HIPK2: variants seen among roughly 807,000 people sequenced by gnomAD.
HIPK2 encodes homeodomain interacting protein kinase 2.
Under a neutral mutation model 113.7 loss-of-function variants are expected in HIPK2, and 27 were observed. The ratio of observed to expected loss-of-function variants is 0.24; its 90% CI spans 0.17 to 0.33. The LOEUF is 0.33. HIPK2 is among the 10% of genes least tolerant of loss of function. The probability of loss-of-function intolerance (pLI) is 1.00; values close to 1 mark genes in which losing one functional copy is unlikely to be tolerated. For synonymous variants in HIPK2, 631 were observed against 642.2 expected, an observed-to-expected ratio of 0.98 and a Z score of 0.26; for missense variants, 1,257 against 1,588.0, an observed-to-expected ratio of 0.79 and a Z score of 3.54.
chr7:139,732,216 T>A (rs1390373980), intron 1 of HIPK2, among the ~76,000 whole-genome samples: 9 of 152,216 alleles, frequency 5.9e-5, no homozygotes, highest in Non-Finnish European at 1.2e-4. Flanking sequence ...TTTGTGGATA[T>A]GAAAATCAGC....
At chr7:139,662,855 G>C (rs1801914610) in intron 2 of HIPK2, among the ~76,000 whole-genome samples, 1 of 152,136 alleles carries the variant, frequency 6.6e-6, no homozygotes. Flanking sequence ...CTGACCTCAA[G>C]TGATTTGCCT....
chr7:139,767,330 C>T (rs1319392399), intron 1 of HIPK2, among the ~76,000 whole-genome samples: 1 of 152,200 alleles, frequency 6.6e-6, no homozygotes, highest in Admixed American at 6.5e-5. Context: ...TACACAAATA[C>T]ACCCCAAAGA....
At chr7:139,593,797 A>G (rs1348798117) in intron 12 of HIPK2, among the ~76,000 whole-genome samples, 1 of 152,180 alleles carries the variant, frequency 6.6e-6, no homozygotes, top group Non-Finnish European at 1.5e-5. Flanking sequence ...GAGAACAAGG[A>G]TGATCAATGT....
intron 2 of HIPK2, among the ~76,000 whole-genome samples, chr7:139,639,775 A>C (rs970095369): frequency 6.6e-6 from 1 of 152,164 alleles, no homozygotes; most frequent in African/African-American, 2.4e-5. Context: ...AGAAGGAATG[A>C]GTCTATGTCA....
intron 11 of HIPK2, among the ~76,000 whole-genome samples, chr7:139,600,155 C>T (rs145351455): frequency 1.3e-5 from 2 of 152,058 alleles, no homozygotes; most frequent in Non-Finnish European, 2.9e-5. Context: ...TGGAGTTGAG[C>T]CCAATCTCTC....
At chr7:139,762,288 C>T (rs935601737) in intron 1 of HIPK2, among the ~76,000 whole-genome samples, 1 of 152,128 alleles carries the variant, frequency 6.6e-6, no homozygotes, top group African/African-American at 2.4e-5. Context: ...CAACTAGCAC[C>T]GACAAAGTCT....
In HIPK2 at chr7:139,702,262, C is replaced by A. The variant is rs1043133535; in HGVS notation, c.1103+13670G>T. Among the ~76,000 whole-genome samples the A allele has an allele frequency of 2.6e-4, 39 of 152,280 alleles. 1 individual carries two copies. Among genetic ancestry groups the A allele is most frequent in the African/African-American group, 9.4e-4 (39 of 41,552 alleles). ...CACATCTTACACTGGCTGCTCTGAGCTGCAGAGGACACTGTGGAAGGACAT... is the reference window on the plus strand; with the variant it reads ...CACATCTTACACTGGCTGCTCTGAGATGCAGAGGACACTGTGGAAGGACAT... On this transcript the variant is annotated intron_variant, in intron 2 of 14. Transcript: ENST00000406875.
intron 7 of HIPK2, among the ~76,000 whole-genome samples, chr7:139,618,043 T>C (rs555466440): frequency 2.9e-4 from 44 of 152,348 alleles, no homozygotes; most frequent in African/African-American, 1.0e-3. Context: ...GAGTCCAGAC[T>C]CTGAAGCCAG....
chr7:139,670,400 A>C (rs911608212), intron 2 of HIPK2, among the ~76,000 whole-genome samples: 2 of 148,912 alleles, frequency 1.3e-5, no homozygotes, highest in Non-Finnish European at 3.0e-5. Context: ...CCAGGGCATC[A>C]TAACGAGAGC....
At chr7:139,585,478 C>T (rs1204183231) in intron 12 of HIPK2, among the ~76,000 whole-genome samples, 1 of 152,358 alleles carries the variant, frequency 6.6e-6, no homozygotes, top group East Asian at 1.9e-4. Context: ...ACACTGTCCT[C>T]TCTGGTTCAG....
intron 2 of HIPK2, among the ~76,000 whole-genome samples, chr7:139,640,420 C>T (rs1168748845): frequency 1.3e-5 from 2 of 152,132 alleles, no homozygotes; most frequent in Non-Finnish European, 2.9e-5. Context: ...AGGGCGTGGC[C>T]CGCACTTGGG....
chr7:139,690,712 C>T (rs183608150), intron 2 of HIPK2, among the ~76,000 whole-genome samples: 193 of 152,092 alleles, frequency 1.3e-3, no homozygotes, highest in African/African-American at 4.3e-3. Flanking sequence ...CCTGGCACTC[C>T]CCTGCCCCCG....
chr7:139,662,638 G>C (rs980676923), intron 2 of HIPK2, among the ~76,000 whole-genome samples: 6 of 63,620 alleles, frequency 9.4e-5, no homozygotes, highest in Non-Finnish European at 1.6e-4. Flanking sequence ...TTTTTTTTTT[G>C]AGACGGAGTC....
At position 139,572,851 on chromosome 7, in the gene HIPK2, G is replaced by C. The variant is rs1235291195; in HGVS notation, c.*76C>G. 8.8e-7 allele frequency: 1 copy of C among 1,137,054 alleles called. No homozygotes were observed. The highest frequency in any genetic ancestry group is 1.1e-6 in the Non-Finnish European group (1 of 881,436). The allele number at this position is 1,137,054 out of a possible 1,614,324, so 70.4% of individuals were successfully genotyped here. A position where few individuals can be genotyped will look rare whatever the true frequency, so the allele number is the denominator to read the frequency against. On this transcript the variant is annotated 3_prime_UTR_variant, in exon 15 of 15. Transcript: ENST00000406875. ...AAAAGGCCAGCGCCCACGGTCCCAG[G>C]AGCGCCTCCCTCCTTCTCTCCCTCC...
At chr7:139,602,217 T>C (rs533718429) in intron 10 of HIPK2, among the ~76,000 whole-genome samples, 13 of 152,308 alleles carry the variant, frequency 8.5e-5, no homozygotes, top group African/African-American at 2.6e-4. Context: ...CTTCCCAAAG[T>C]GCTGGGATTA....
chr7:139,659,262 A>G (rs1014442257), intron 2 of HIPK2, among the ~76,000 whole-genome samples: 4 of 152,208 alleles, frequency 2.6e-5, no homozygotes, highest in African/African-American at 9.7e-5. Context: ...CCTGCCACGC[A>G]TCACAATTAG....
chr7:139,616,767 G>A (rs1301562707), intron 7 of HIPK2, among the ~76,000 whole-genome samples: 1 of 152,246 alleles, frequency 6.6e-6, no homozygotes, highest in Non-Finnish European at 1.5e-5. Flanking sequence ...TCTCCTGGGA[G>A]GGAGGGGCTG....
chr7:139,632,152 T>G (rs2116899785), intron 2 of HIPK2, among the ~76,000 whole-genome samples: 1 of 152,344 alleles, frequency 6.6e-6, no homozygotes, highest in East Asian at 1.9e-4. Context: ...TTCTTCTGTC[T>G]ATCTAGAGAT....
intron 2 of HIPK2, among the ~76,000 whole-genome samples, chr7:139,713,598 T>C (rs1029441883): frequency 1.3e-4 from 20 of 152,220 alleles, no homozygotes; most frequent in Admixed American, 1.1e-3. Context: ...CGAAGTCTTT[T>C]TACAAGTCGC....
Sources: allele counts gnomAD v4.1 joint callset (sites outside exome capture counted in the v4.1 genomes callset), GRCh38; gene constraint gnomAD v4.1.1; transcripts MANE v1.5; gene names NCBI Gene and HGNC (gene_info 2026-07-23, HGNC 2026-07-21).